Variants in GLUD1 observed in about 807,000 individuals in gnomAD.
The protein encoded by GLUD1 is glutamate dehydrogenase 1, mitochondrial.
Under a neutral mutation model 56.0 loss-of-function variants are expected in GLUD1, and 22 were observed. The ratio of observed to expected loss-of-function variants is 0.39; its 90% CI spans 0.28 to 0.56. GLUD1 has a LOEUF of 0.56. Ranked by LOEUF, GLUD1 falls within the 20% of genes least tolerant of loss-of-function variation. GLUD1 has a pLI of 0.58. For missense variants in GLUD1, 451 were observed against 732.0 expected (o/e 0.62, Z 4.43); for synonymous variants, 223 against 269.9 (o/e 0.83, Z 1.70).
intron 1 of GLUD1, among the ~76,000 whole-genome samples, chr10:87,081,327 G>A: frequency 6.7e-6 from 1 of 148,760 alleles, no homozygotes; most frequent in African/African-American, 2.5e-5. Flanking sequence ...GGAGGTGGGG[G>A]GGTCAGCCCC....
At chr10:87,078,292 G>A (rs1257505245) in intron 1 of GLUD1, among the ~76,000 whole-genome samples, 8 of 152,148 alleles carry the variant, frequency 5.3e-5, no homozygotes, top group Non-Finnish European at 1.2e-4. Flanking sequence ...GCAGATATCT[G>A]TATAGCTCAC....
rs71019462 is a variant in GLUD1 at position 87,073,610 on chromosome 10, CTTTTTTTTTTT to C, written c.646+930_646+940del. Among the ~76,000 whole-genome samples, 78 of 74,172 alleles carry C rather than the reference CTTTTTTTTTTT, an allele frequency of 1.1e-3. 1 individual carries two copies. In the South Asian group the frequency reaches 0.018, roughly 17 times the overall value. The allele number at this position is 74,172 out of a possible 152,430, so 48.7% of individuals were successfully genotyped here. A position where few individuals can be genotyped will look rare whatever the true frequency, so the allele number is the denominator to read the frequency against. On this transcript the variant is annotated intron_variant, in intron 4 of 12. Transcript: ENST00000277865. Reference sequence around the variant, plus strand: ...CTATTATTAAGTAACAATTAACATTCTTTTTTTTTTTTTTTTTTTTTTTTTTGAGACGGAGT... The same window carrying C: ...CTATTATTAAGTAACAATTAACATTCTTTTTTTTTTTTTTTGAGACGGAGT...
intron 4 of GLUD1, among the ~76,000 whole-genome samples, chr10:87,073,873 G>A (rs1468893556): frequency 6.6e-6 from 1 of 151,570 alleles, no homozygotes; most frequent in African/African-American, 2.4e-5. Flanking sequence ...CACCTGCCTC[G>A]GCCTCTCAAA....
chr10:87,079,331 A>C (rs1056561399), intron 1 of GLUD1, among the ~76,000 whole-genome samples: 6 of 151,818 alleles, frequency 4.0e-5, no homozygotes, highest in Non-Finnish European at 7.4e-5. Context: ...GAAGATGCTC[A>C]GGAGGCTGGG....
chr10:87,084,595 A>G (rs1841339374), intron 1 of GLUD1, among the ~76,000 whole-genome samples: 1 of 152,212 alleles, frequency 6.6e-6, no homozygotes, highest in African/African-American at 2.4e-5. Context: ...ACTGTTTTTT[A>G]TAATTAGTCA....
At chr10:87,061,617 C>A (rs1372900650) in intron 6 of GLUD1, among the ~76,000 whole-genome samples, 1 of 151,164 alleles carries the variant, frequency 6.6e-6, no homozygotes, top group Non-Finnish European at 1.5e-5. Context: ...TGGAGAAATA[C>A]AATTTTTTTT....
In GLUD1 at chr10:87,094,624, G is replaced by A; in HGVS notation, c.146C>T (p.Ala49Val). 1.2e-6 allele frequency: 2 copies of A among 1,609,886 alleles called. No homozygotes were observed. The highest frequency in any genetic ancestry group is 1.7e-6 in the Non-Finnish European group (2 of 1,179,300). ...AAPQPGLALA[A>V]RRHYSEAVAD... ...CACCGCCTCGCTGTAGTGGCGCCGG[G>A]CGGCCAATGCCAGCCCCGGCTGCGG... The change falls in exon 1 of 13, where the codon GCC (alanine) becomes GTC (valine). Residue 49 changes from alanine to valine, a missense_variant. Coordinates refer to ENST00000277865, the MANE Select transcript of GLUD1 (RefSeq NM_005271.5). This position sits in a 1 kb window ranked among gnomAD's most constrained non-coding sequence, Gnocchi z 6.6.
chr10:87,086,833 A>G (rs969668660), intron 1 of GLUD1, among the ~76,000 whole-genome samples: 1 of 125,026 alleles, frequency 8.0e-6, no homozygotes, highest in African/African-American at 3.4e-5. Flanking sequence ...CGTCTCAAAG[A>G]AAAAAAAAAA....
At chr10:87,074,725 G>T in intron 3 of GLUD1, 111 bp from the exon 4 acceptor site, 1 of 728,494 alleles carries the variant, frequency 1.4e-6, no homozygotes, top group Non-Finnish European at 2.5e-6. Flanking sequence ...GTCTTCTCAT[G>T]TAATCCTTAG....
chr10:87,052,668 T>TAAAAAAA (rs1285140190), intron 12 of GLUD1, among the ~76,000 whole-genome samples: 322 of 16,556 alleles, frequency 0.019, 22 homozygotes, highest in African/African-American at 0.038. Context: ...AAACTCCGTC[T>TAAAAAAA]CAAAAAAAAA....
intron 1 of GLUD1, chr10:87,091,560 CT>C: frequency 2.2e-6 from 2 of 903,050 alleles, no homozygotes; most frequent in Non-Finnish European, 2.7e-6. Flanking sequence ...CCTTCAGATC[CT>C]TTAGCTTACC....
intron 1 of GLUD1, among the ~76,000 whole-genome samples, chr10:87,083,220 A>T (rs1401600626): frequency 7.5e-5 from 4 of 53,524 alleles, no homozygotes; most frequent in African/African-American, 2.3e-4. Context: ...CAAAAAAATT[A>T]AAAAAAAAAA....
At chr10:87,066,606 C>G (rs1846083602) in intron 5 of GLUD1, among the ~76,000 whole-genome samples, 1 of 152,152 alleles carries the variant, frequency 6.6e-6, no homozygotes, top group South Asian at 2.1e-4. Context: ...GTCCACACAC[C>G]CGTCTAAGTG....
intron 1 of GLUD1, among the ~76,000 whole-genome samples, chr10:87,087,306 C>T (rs368260002): frequency 6.6e-6 from 1 of 152,204 alleles, no homozygotes; most frequent in African/African-American, 2.4e-5. Context: ...GATGCATTCA[C>T]CAACCTGGAA....
At chr10:87,093,759 T>A (rs551208202) in intron 1 of GLUD1, among the ~76,000 whole-genome samples, 1 of 152,368 alleles carries the variant, frequency 6.6e-6, no homozygotes, top group South Asian at 2.1e-4. Context: ...GAAAATTACT[T>A]AATTGAAACG....
intron 5 of GLUD1, among the ~76,000 whole-genome samples, chr10:87,063,972 G>A (rs1206702702): frequency 9.9e-5 from 15 of 151,860 alleles, no homozygotes; most frequent in South Asian, 2.1e-4. Context: ...TCCATCTCCC[G>A]GGTTCACGCC....
intron 5 of GLUD1, among the ~76,000 whole-genome samples, chr10:87,064,912 T>C (rs1476683725): frequency 6.6e-6 from 1 of 152,058 alleles, no homozygotes; most frequent in Non-Finnish European, 1.5e-5. Context: ...CAGAGAAGAA[T>C]ACATTCTCCC....
chr10:87,090,645 G>A (rs1002989199), intron 1 of GLUD1, among the ~76,000 whole-genome samples: 7 of 152,130 alleles, frequency 4.6e-5, no homozygotes, highest in African/African-American at 1.4e-4. Context: ...CAACCTCGGG[G>A]CTAAGTGCTT....
At chr10:87,057,600 A>C in intron 11 of GLUD1, 91 bp downstream of exon 11, 1 of 792,998 alleles carries the variant, frequency 1.3e-6, no homozygotes. Context: ...TACAAAGACT[A>C]TGCCGCAGAT....
Sources: gnomAD v4.1 joint callset for allele counts (sites outside exome capture counted in the v4.1 genomes callset) on GRCh38, gnomAD v4.1.1 for gene constraint, Gnocchi (gnomAD v3.1) non-coding constraint, MANE v1.5 for transcripts, NCBI Gene and HGNC (gene_info 2026-07-23, HGNC 2026-07-21) for gene names.